FKBP14: variants seen among roughly 807,000 people sequenced by gnomAD.
FKBP14 encodes the protein FKBP prolyl isomerase 14.
In FKBP14, 20 loss-of-function variants were observed where a neutral mutation model predicts 21.6. The ratio of observed to expected loss-of-function variants is 0.92; its 90% confidence interval spans 0.65 to 1.34. The LOEUF (loss-of-function observed/expected upper bound fraction) is 1.34, where lower values mean the gene tolerates loss of function less well. Ranked by LOEUF, FKBP14 falls within the 40% of genes most tolerant of loss-of-function variation. The probability of loss-of-function intolerance (pLI) is 0.00; values close to 1 mark genes in which losing one functional copy is unlikely to be tolerated. For missense variants in FKBP14, 253 were observed against 249.0 expected (o/e 1.02, Z -0.11); for synonymous variants, 79 against 86.7 (o/e 0.91, Z 0.49).
intron 1 of FKBP14, among the ~76,000 whole-genome samples, chr7:30,023,176 A>T (rs927490618): frequency 6.6e-6 from 1 of 152,210 alleles, no homozygotes; most frequent in Non-Finnish European, 1.5e-5. Flanking sequence ...TTACTACCCC[A>T]TTGCACAGAT....
intron 2 of FKBP14, among the ~76,000 whole-genome samples, chr7:30,019,499 A>G (rs1037370670): frequency 3.3e-5 from 5 of 152,144 alleles, no homozygotes; most frequent in African/African-American, 9.7e-5. Context: ...GGAGTTAAGT[A>G]TATTAAAAGT....
At chr7:30,015,609 C>CTT (rs56237269) in intron 3 of FKBP14, among the ~76,000 whole-genome samples, 1 of 146,316 alleles carries the variant, frequency 6.8e-6, no homozygotes, top group Non-Finnish European at 1.5e-5. Flanking sequence ...CATTTCTTTT[C>CTT]TTTTTTTAGA....
chr7:30,016,311 G>T lies in FKBP14; in HGVS notation c.478-1418C>A, dbSNP rs181692508. The stretch of plus-strand genomic sequence containing the variant: ...TTGGTTATGATCATGTGATTAGATT[G>T]AGTCTAATCACAACCTTTCAATCTC... On this transcript the variant is annotated intron_variant, in intron 3 of 3. Coordinates refer to ENST00000222803, the MANE Select transcript of FKBP14 (RefSeq NM_017946.4). Among the ~76,000 whole-genome samples the T allele has an allele frequency of 1.2e-3, 182 of 152,268 alleles. 1 individual carries two copies. Among genetic ancestry groups the T allele is most frequent in the African/African-American group, 4.2e-3 (176 of 41,556 alleles).
intron 2 of FKBP14, among the ~76,000 whole-genome samples, chr7:30,022,232 C>G (rs932388085): frequency 1.3e-5 from 2 of 152,146 alleles, no homozygotes; most frequent in Non-Finnish European, 2.9e-5. Context: ...ATGGATCTTT[C>G]TCTCTGCATT....
rs1326912280 is a variant in FKBP14 at position 30,012,257 on chromosome 7, T to G, written c.*2478A>C. 2 of 152,230 alleles carry G rather than the reference T, an allele frequency of 1.3e-5. No homozygotes were observed. The highest frequency in any genetic ancestry group is 3.8e-4 in the East Asian group (2 of 5,202). The allele number at this position is 152,230 out of a possible 1,614,324, so 9.4% of individuals were successfully genotyped here. On this transcript the variant is annotated 3_prime_UTR_variant, in exon 4 of 4. Transcript: ENST00000222803. Reference sequence around the variant, plus strand: ...TAACTTAAAAACCATAACTTGTGCATATGTTTTCATTTTATACTTGTGTCC... The same window carrying G: ...TAACTTAAAAACCATAACTTGTGCAGATGTTTTCATTTTATACTTGTGTCC...
chr7:30,021,610 T>C (rs556803613), intron 2 of FKBP14, among the ~76,000 whole-genome samples: 4 of 151,860 alleles, frequency 2.6e-5, no homozygotes, highest in Non-Finnish European at 4.4e-5. Flanking sequence ...GGCTGGAGTA[T>C]AGTGGCACGT....
intron 1 of FKBP14, among the ~76,000 whole-genome samples, chr7:30,023,728 C>T (rs1304899252): frequency 2.0e-5 from 3 of 152,158 alleles, no homozygotes; most frequent in African/African-American, 7.2e-5. Flanking sequence ...AGCAAAGGCA[C>T]GTCTTACATG....
chr7:30,009,606 C>T (rs1244183533), downstream of FKBP14, among the ~76,000 whole-genome samples: 1 of 152,044 alleles, frequency 6.6e-6, no homozygotes, highest in African/African-American at 2.4e-5. Context: ...CCTTTTTCTC[C>T]TCTTGCAATT....
chr7:30,020,148 A>G (rs1321259663), intron 2 of FKBP14: 3 of 840,078 alleles, frequency 3.6e-6, no homozygotes, highest in Non-Finnish European at 4.7e-6. Context: ...CCCATCCCAC[A>G]TATTTCCATG....
chr7:30,016,435 G>A (rs979595558), intron 3 of FKBP14, among the ~76,000 whole-genome samples: 7 of 150,890 alleles, frequency 4.6e-5, no homozygotes, highest in East Asian at 2.0e-4. Context: ...GCTCTGTCAC[G>A]CAGGCTGGAG....
rs775321702 is a variant in FKBP14, at chr7:30,014,777, A to C, written c.594T>G (p.Phe198Leu). ...FDKEDEDKDG[F>L]ISAREFTYKH... ...TATATGTAAATTCTCTGGCAGATATAAACCCATCTTTGTCTTCATCTTCTT... is the reference window on the plus strand; with the variant it reads ...TATATGTAAATTCTCTGGCAGATATCAACCCATCTTTGTCTTCATCTTCTT... The change falls in exon 4 of 4, where the codon TTT becomes TTG. Residue 198 changes from phenylalanine (F) to leucine (L), a missense_variant. Physicochemically the swap from Phe to Leu is conservative, Grantham distance 22. Coordinates refer to ENST00000222803, the MANE Select transcript of FKBP14 (RefSeq NM_017946.4). 1 of 1,610,702 alleles carries C rather than the reference A, an allele frequency of 6.2e-7. No individual in the cohort carries two copies. Among genetic ancestry groups the C allele is most frequent in the Non-Finnish European group, 8.5e-7 (1 of 1,178,898 alleles).
downstream of FKBP14, among the ~76,000 whole-genome samples, chr7:30,007,791 G>A (rs537668493): frequency 6.6e-6 from 1 of 152,284 alleles, no homozygotes; most frequent in Non-Finnish European, 1.5e-5. Flanking sequence ...GCTCACACCT[G>A]TAATCCCAGG....
At chr7:30,009,415 T>G (rs543348229), downstream of FKBP14, among the ~76,000 whole-genome samples, 17 of 152,094 alleles carry the variant, frequency 1.1e-4, no homozygotes, top group African/African-American at 4.1e-4. Flanking sequence ...GCATTTTTAG[T>G]AAAGACAGGG....
intron 2 of FKBP14, chr7:30,020,193 T>C (rs776634089): frequency 9.5e-6 from 11 of 1,163,592 alleles, no homozygotes; most frequent in South Asian, 1.7e-5. Context: ...AGAAGACTTA[T>C]AAAGTGTGCT....
At chr7:30,014,973 T>G in intron 3 of FKBP14, 80 bp from the exon 4 acceptor site, 1 of 872,132 alleles carries the variant, frequency 1.1e-6, no homozygotes, top group Non-Finnish European at 1.7e-6. Context: ...AGACATGGAC[T>G]GTTATTATAT....
Position 30,012,372 on chromosome 7 carries a change from T to G in FKBP14, c.*2363A>C, listed in dbSNP as rs1034877645. ...ACTCTTTTTACTTTTCTTGCCCTAC[T>G]ATAGATAGCATCAGTAATGTTTATA... On this transcript the variant is annotated 3_prime_UTR_variant, in exon 4 of 4. Transcript: ENST00000222803. 8 of 152,270 alleles carry G rather than the reference T, an allele frequency of 5.3e-5. No individual in the cohort carries two copies. Among genetic ancestry groups the G allele is most frequent in the African/African-American group, 1.9e-4 (8 of 41,474 alleles). 9.4% of individuals were successfully genotyped at this position (152,270 alleles called of 1,614,324 possible). A position where few individuals can be genotyped will look rare whatever the true frequency, so the allele number is the denominator to read the frequency against.
intron 1 of FKBP14, among the ~76,000 whole-genome samples, chr7:30,023,469 A>C (rs1790088827): frequency 6.6e-6 from 1 of 152,216 alleles, no homozygotes; most frequent in African/African-American, 2.4e-5. Flanking sequence ...TGACGGGTAG[A>C]AAAGGCTGCT....
In FKBP14 at chr7:30,013,250, GCTT is replaced by G. The variant is rs951482722; in HGVS notation, c.*1482_*1484del. The G allele has an allele frequency of 6.6e-6, 1 of 151,206 alleles. No individual in the cohort carries two copies. Among genetic ancestry groups the G allele is most frequent in the Non-Finnish European group, 1.5e-5 (1 of 67,848 alleles). The allele number at this position is 151,206 out of a possible 1,614,324, so 9.4% of individuals were successfully genotyped here. ...ATTCAATAGTAGCTGCTGTAGGTCT[GCTT>G]CTTTTTTTTTTTTTGAGATGGAGTC... is the stretch of plus-strand genomic sequence containing the variant. On this transcript the variant is annotated 3_prime_UTR_variant, in exon 4 of 4. Coordinates refer to ENST00000222803, the MANE Select transcript of FKBP14 (RefSeq NM_017946.4).
rs751113052 is a variant in FKBP14, at chr7:30,014,733, C to G, written c.*2G>C. On this transcript the variant is annotated 3_prime_UTR_variant, in exon 4 of 4. Transcript: ENST00000222803. The stretch of plus-strand genomic sequence containing the variant: ...TGCTATATTAAAAGGGTAGATGTAT[C>G]TCTATAACTCATCGTGTTTATATGT... 113 of 1,581,736 alleles carry G rather than the reference C, an allele frequency of 7.1e-5. No homozygotes were observed. Among genetic ancestry groups the G allele is most frequent in the Non-Finnish European group, 9.4e-5 (110 of 1,167,002 alleles).
Sources: allele counts gnomAD v4.1 joint callset (sites outside exome capture counted in the v4.1 genomes callset), GRCh38; gene constraint gnomAD v4.1.1; transcripts MANE v1.5; gene names NCBI Gene and HGNC (gene_info 2026-07-23, HGNC 2026-07-21).